SMAD5: variants seen among roughly 807,000 people sequenced by gnomAD.
SMAD5 encodes the protein MAD, mothers against decapentaplegic homolog 5.
A neutral mutation model predicts 43.1 loss-of-function variants in SMAD5; 9 were observed. That is an observed-to-expected ratio of 0.21 (90% CI 0.13 to 0.36). The LOEUF is 0.36. Ranked by LOEUF, SMAD5 falls within the 10% of genes least tolerant of loss-of-function variation. The probability of loss-of-function intolerance (pLI) is 1.00; values close to 1 mark genes in which losing one functional copy is unlikely to be tolerated. For synonymous variants in SMAD5, 190 were observed against 192.4 expected (o/e 0.99, Z 0.10); for missense variants, 348 against 574.0 (o/e 0.61, Z 4.02).
intron 2 of SMAD5, chr5:136,152,690 A>T (rs1204642353): frequency 6.6e-6 from 1 of 152,144 alleles, no homozygotes; most frequent in African/African-American, 2.4e-5. Context: ...GGATCTCACT[A>T]TGTTGCTCAG....
chr5:136,176,408 T>C (rs1263022428), intron 7 of SMAD5, among the ~76,000 whole-genome samples: 1 of 141,088 alleles, frequency 7.1e-6, no homozygotes, highest in Non-Finnish European at 1.5e-5. Context: ...TTAGCCAAGA[T>C]TGCGCCATTG....
chr5:136,147,155 G>A (rs1275827999), intron 1 of SMAD5, among the ~76,000 whole-genome samples: 1 of 151,624 alleles, frequency 6.6e-6, no homozygotes, highest in Non-Finnish European at 1.5e-5. Context: ...TAATAAGTGT[G>A]CTAAAAATGT....
At position 136,181,365 on chromosome 5, in the gene SMAD5, TATAAATGTGTGTC is replaced by T. The variant is rs1248593977; in HGVS notation, c.*3888_*3900del. ...CCTCACCTAATCTCTTGGGTATGAA[TATAAATGTGTGTC>T]ATCGTTATATTGTTCAGCTAGATGA... On this transcript the variant is annotated 3_prime_UTR_variant, in exon 8 of 8. Transcript: ENST00000545279. The T allele has an allele frequency of 1.3e-5, 2 of 152,148 alleles. No homozygotes were observed. The highest frequency in any genetic ancestry group is 4.8e-5 in the African/African-American group (2 of 41,442). The allele number at this position is 152,148 out of a possible 1,614,324, so 9.4% of individuals were successfully genotyped here.
chr5:136,141,581 C>T (rs900504627), intron 1 of SMAD5, among the ~76,000 whole-genome samples: 1 of 152,072 alleles, frequency 6.6e-6, no homozygotes, highest in Admixed American at 6.5e-5. Context: ...ATTCCTTCAC[C>T]CTTGGCTAGT....
chr5:136,166,155 A>AC (rs1561654391), intron 5 of SMAD5, among the ~76,000 whole-genome samples: 1 of 148,076 alleles, frequency 6.8e-6, no homozygotes, highest in Non-Finnish European at 1.5e-5. Context: ...GTTGTTCTGT[A>AC]TTTTTTTTAT....
intron 5 of SMAD5, among the ~76,000 whole-genome samples, chr5:136,171,026 C>T (rs887994303): frequency 2.0e-5 from 3 of 152,104 alleles, no homozygotes; most frequent in Admixed American, 6.5e-5. Flanking sequence ...ACAATTTCCT[C>T]CTTTCCTATC....
At chr5:136,151,553 G>A (rs1251355051) in intron 2 of SMAD5, among the ~76,000 whole-genome samples, 3 of 152,038 alleles carry the variant, frequency 2.0e-5, no homozygotes, top group Admixed American at 6.6e-5. Flanking sequence ...TAATGGTTAA[G>A]AAATGAGTAA....
intron 5 of SMAD5, among the ~76,000 whole-genome samples, chr5:136,169,767 C>G (rs1754148712): frequency 6.6e-6 from 1 of 152,194 alleles, no homozygotes; most frequent in Admixed American, 6.5e-5. Flanking sequence ...GCTCCTCATC[C>G]TTACCAACAT....
At chr5:136,169,008 G>T (rs116303854) in intron 5 of SMAD5, among the ~76,000 whole-genome samples, 8 of 152,116 alleles carry the variant, frequency 5.3e-5, no homozygotes, top group African/African-American at 1.9e-4. Context: ...TGATCACAAG[G>T]TAAAGTCCCA....
At chr5:136,165,564 T>C (rs768175023) in intron 5 of SMAD5, among the ~76,000 whole-genome samples, 5 of 151,612 alleles carry the variant, frequency 3.3e-5, no homozygotes, top group African/African-American at 4.8e-5. Flanking sequence ...AAAAATTTCC[T>C]ATTCTCCTTT....
intron 1 of SMAD5, among the ~76,000 whole-genome samples, chr5:136,144,907 A>G (rs933878291): frequency 4.0e-5 from 6 of 151,794 alleles, no homozygotes; most frequent in African/African-American, 9.7e-5. Context: ...TTCATTAGGT[A>G]GTTTATCAAG....
chr5:136,135,175 ATGT>A (rs1400423568), intron 1 of SMAD5, among the ~76,000 whole-genome samples: 1 of 152,208 alleles, frequency 6.6e-6, no homozygotes, highest in African/African-American at 2.4e-5. Context: ...CAGTGGCAGA[ATGT>A]TGTTACTAAT....
At position 136,133,177 on chromosome 5, in the gene SMAD5, C is replaced by G. The variant is rs181307668; in HGVS notation, c.-245+215C>G. ...CGGCTGCGGAGGCCTCGCTGGCTGCCCGGGGCGTCCTGAGGCGGGGCCGGG... is the reference window on the plus strand; with the variant it reads ...CGGCTGCGGAGGCCTCGCTGGCTGCGCGGGGCGTCCTGAGGCGGGGCCGGG... On this transcript the variant is annotated intron_variant, in intron 1 of 7. Transcript: ENST00000545279. 4.0e-3 allele frequency: 604 copies of G among 152,544 alleles called. 5 individuals carry two copies. Among genetic ancestry groups the G allele is most frequent in the African/African-American group, 0.014 (569 of 41,582 alleles). 9.4% of individuals were successfully genotyped at this position (152,544 alleles called of 1,614,324 possible). A position where few individuals can be genotyped will look rare whatever the true frequency, so the allele number is the denominator to read the frequency against.
intron 7 of SMAD5, among the ~76,000 whole-genome samples, chr5:136,175,188 C>T (rs1042847494): frequency 1.3e-5 from 2 of 152,118 alleles, no homozygotes; most frequent in Non-Finnish European, 2.9e-5. Flanking sequence ...GAAACTGCCC[C>T]CATGATTCAG....
chr5:136,151,167 G>T (rs1357723394), intron 2 of SMAD5, among the ~76,000 whole-genome samples: 3 of 151,624 alleles, frequency 2.0e-5, no homozygotes, highest in African/African-American at 7.3e-5. Context: ...TAGGTCCAGG[G>T]CATCCAGTGG....
At chr5:136,158,772 G>A (rs1273159752) in intron 3 of SMAD5, among the ~76,000 whole-genome samples, 1 of 152,082 alleles carries the variant, frequency 6.6e-6, no homozygotes, top group African/African-American at 2.4e-5. Flanking sequence ...GGTGGTCAGC[G>A]CCTGTAGTCT....
At chr5:136,156,982 C>G (rs1239127132) in intron 3 of SMAD5, among the ~76,000 whole-genome samples, 1 of 152,086 alleles carries the variant, frequency 6.6e-6, no homozygotes, top group Non-Finnish European at 1.5e-5. Flanking sequence ...AGCTATGACG[C>G]AGAATGGATC....
intron 1 of SMAD5, among the ~76,000 whole-genome samples, chr5:136,144,669 T>C (rs2149762494): frequency 6.6e-6 from 1 of 151,432 alleles, no homozygotes; most frequent in African/African-American, 2.4e-5. Context: ...TTAGGATAGG[T>C]ATGTTAGGTG....
chr5:136,161,034 C>T lies in SMAD5; in HGVS notation c.582C>T (p.Pro194=). 3 of 1,613,838 alleles carry T rather than the reference C, an allele frequency of 1.9e-6. No homozygotes were observed. Among genetic ancestry groups the T allele is most frequent in the Non-Finnish European group, 2.5e-6 (3 of 1,179,850 alleles). The part of the protein sequence containing the change: ...PFPLSPNSPY[P]PSPASSTYPN... ...CCTTATCTCCAAACAGCCCTTATCC[C>T]CCTTCTCCTGCTAGCAGCACATATC... Residue 194 remains proline (P), a synonymous_variant, in exon 4 of 8, where the codon CCC becomes CCT. Coordinates refer to ENST00000545279, the MANE Select transcript of SMAD5 (RefSeq NM_005903.7).
Sources: allele counts gnomAD v4.1 joint callset (sites outside exome capture counted in the v4.1 genomes callset), GRCh38; gene constraint gnomAD v4.1.1; transcripts MANE v1.5; gene names NCBI Gene and HGNC (gene_info 2026-07-23, HGNC 2026-07-21).